The following PLXNA1 variants were observed in gnomAD, a reference collection of about 807,000 sequenced individuals.
PLXNA1 encodes plexin-A1.
In PLXNA1, 77 loss-of-function variants were observed where a neutral mutation model predicts 191.7. The observed-to-expected ratio is 0.40, with a 90% confidence interval of 0.33 to 0.49. The LOEUF is 0.49. Ranked by LOEUF, PLXNA1 falls within the 20% of genes least tolerant of loss-of-function variation. PLXNA1 has a pLI of 0.63. For missense variants in PLXNA1, 2,110 were observed against 2,660.2 expected, an observed-to-expected ratio of 0.79 and a Z score of 4.55; for synonymous variants, 1,137 against 1,156.4, an observed-to-expected ratio of 0.98 and a Z score of 0.34.
Position 126,983,177 on chromosome 3 carries a change from C to A in PLXNA1, c.-184C>A, listed in dbSNP as rs1277687314. Among the ~76,000 whole-genome samples, 7 of 144,114 alleles carry A rather than the reference C, an allele frequency of 4.9e-5. No homozygotes were observed. The South Asian group carries it at 1.3e-3, about 26-fold the overall frequency. 94.5% of individuals were successfully genotyped at this position (144,114 alleles called of 152,430 possible). A position where few individuals can be genotyped will look rare whatever the true frequency, so the allele number is the denominator to read the frequency against. ...AGCCCGGGCGCGGCGGCGGCCTCGG[C>A]CTGGGCGGCCTACGCGGCTTCGGCG... On this transcript the variant is annotated 5_prime_UTR_variant, in exon 1 of 32. Transcript: ENST00000393409.
At position 127,011,952 on chromosome 3, in the gene PLXNA1, C is replaced by T; in HGVS notation, c.2113-6C>T. 2 of 1,611,988 alleles carry T rather than the reference C, an allele frequency of 1.2e-6. No homozygotes were observed. The highest frequency in any genetic ancestry group is 1.7e-6 in the Non-Finnish European group (2 of 1,178,554). On this transcript the variant is annotated splice_region_variant and splice_polypyrimidine_tract_variant and intron_variant, in intron 9 of 31. Coordinates refer to ENST00000393409, the MANE Select transcript of PLXNA1 (RefSeq NM_032242.4). Reference sequence around the variant, plus strand: ...CCGGGCTCAGCCAAACTCTTCTTATCCCCAGGACTGCCCACAGATCCTGCC... The same window carrying T: ...CCGGGCTCAGCCAAACTCTTCTTATTCCCAGGACTGCCCACAGATCCTGCC...
At position 127,014,195 on chromosome 3, in the gene PLXNA1, G is replaced by A; in HGVS notation, c.2424G>A (p.Lys808=). ...CCCTCCCCACAGCGCACCTCTACAA[G>A]TGCCCGGCCCTGCGCGAGAGCTGCG... is the stretch of plus-strand genomic sequence containing the variant. ...NPQNIQAHLY[K]CPALRESCGL... The change falls in exon 12 of 32, where the codon AAG becomes AAA. Residue 808 remains lysine (K), a synonymous_variant. Transcript: ENST00000393409. The A allele has an allele frequency of 6.2e-7, 1 of 1,609,862 alleles. No individual in the cohort carries two copies. Among genetic ancestry groups the A allele is most frequent in the Non-Finnish European group, 8.5e-7 (1 of 1,177,874 alleles).
chr3:126,988,011 A>G (rs1576666762), intron 1 of PLXNA1, among the ~76,000 whole-genome samples: 1 of 152,056 alleles, frequency 6.6e-6, no homozygotes, highest in South Asian at 2.1e-4. Context: ...TGGAGGTGGG[A>G]GTGAGCACTA....
At chr3:126,991,693 G>A in intron 3 of PLXNA1, 127 bp downstream of exon 3, 1 of 1,044,580 alleles carries the variant, frequency 9.6e-7, no homozygotes, top group Non-Finnish European at 1.3e-6. Flanking sequence ...ACAGGGGGCA[G>A]GGGGAATGTT....
At position 127,004,890 on chromosome 3, in the gene PLXNA1, C is replaced by G; in HGVS notation, c.1625C>G (p.Ser542Trp). 1 of 1,591,428 alleles carries G rather than the reference C, an allele frequency of 6.3e-7. No homozygotes were observed. Among genetic ancestry groups the G allele is most frequent in the Non-Finnish European group, 8.6e-7 (1 of 1,166,688 alleles). The change falls in exon 6 of 32, where the codon TCG becomes TGG. Residue 542 changes from serine to tryptophan, a missense_variant. Physicochemically the swap from Ser to Trp is radical, Grantham distance 177. Around this residue, in one of 4 missense-constraint regions of PLXNA1, gnomAD observed 903 missense variants for 1,015.7 expected, o/e 0.89. Transcript: ENST00000393409. ...CGWCVLHSIC[S>W]RRDACERADE... ...CTCAACCCCTCTGCCTGCAGCTGCT[C>G]GCGGCGGGACGCCTGTGAGCGAGCA...
chr3:127,022,749 C>T lies in PLXNA1; in HGVS notation c.4296-3C>T. 1 of 1,613,736 alleles carries T rather than the reference C, an allele frequency of 6.2e-7. No homozygotes were observed. Among genetic ancestry groups the T allele is most frequent in the Non-Finnish European group, 8.5e-7 (1 of 1,179,732 alleles). ...CACTCTGCCCATATTCTGTGCTCCC[C>T]AGGACTGAGTCGGTGGCAGAGAAGA... On this transcript the variant is annotated splice_polypyrimidine_tract_variant and splice_region_variant and intron_variant, in intron 22 of 31. Coordinates refer to ENST00000393409, the MANE Select transcript of PLXNA1 (RefSeq NM_032242.4).
intron 8 of PLXNA1, among the ~76,000 whole-genome samples, chr3:127,006,386 G>C (rs2079069252): frequency 6.6e-6 from 1 of 152,234 alleles, no homozygotes; most frequent in Non-Finnish European, 1.5e-5. Flanking sequence ...AGAGGAGCCA[G>C]CCAGGGCAAG....
chr3:127,025,411 T>C (rs2079172459), intron 23 of PLXNA1, among the ~76,000 whole-genome samples: 1 of 152,254 alleles, frequency 6.6e-6, no homozygotes, highest in South Asian at 2.1e-4. Context: ...CTCATTTCTT[T>C]GTAGTGTGCC....
Position 127,017,859 on chromosome 3 carries a change from G to A in PLXNA1, c.3627G>A (p.Glu1209=). The A allele has an allele frequency of 6.2e-7, 1 of 1,612,772 alleles. No individual in the cohort carries two copies. The highest frequency in any genetic ancestry group is 1.1e-5 in the South Asian group (1 of 91,060). ...LTVSETQLLC[E]APNLTGQHKV... ...TGTCGGAGACGCAACTGCTGTGCGAGGCGCCCAACCTCACTGGGCAGCACA... is the reference window on the plus strand; with the variant it reads ...TGTCGGAGACGCAACTGCTGTGCGAAGCGCCCAACCTCACTGGGCAGCACA... The change falls in exon 19 of 32, where the codon GAG becomes GAA. Residue 1209 remains glutamate, a synonymous_variant. Coordinates refer to ENST00000393409, the MANE Select transcript of PLXNA1 (RefSeq NM_032242.4).
intron 1 of PLXNA1, among the ~76,000 whole-genome samples, chr3:126,983,754 G>T (rs1179319277): frequency 1.3e-5 from 2 of 151,908 alleles, no homozygotes; most frequent in Non-Finnish European, 2.9e-5. Flanking sequence ...CGTCCCGGCC[G>T]CTGGACCTCG....
In PLXNA1 at chr3:127,014,599, C is replaced by T. The variant is rs759152920; in HGVS notation, c.2726C>T (p.Pro909Leu). 3.7e-6 allele frequency: 6 copies of T among 1,613,280 alleles called. No homozygotes were observed. The highest frequency in any genetic ancestry group is 5.1e-6 in the Non-Finnish European group (6 of 1,179,848). The change falls in exon 13 of 32, where the codon CCT (proline) becomes CTT (leucine). Residue 909 changes from proline (P) to leucine (L), a missense_variant. Physicochemically the swap from Pro to Leu is moderately conservative, Grantham distance 98 (BLOSUM62 -3). Coordinates refer to ENST00000393409, the MANE Select transcript of PLXNA1 (RefSeq NM_032242.4). Reference protein sequence around the residue: ...GVRVGKVLCSPVESEYISAEQ... With the variant: ...GVRVGKVLCSLVESEYISAEQ... ...CGCGTGGGCAAGGTGCTGTGCAGCC[C>T]TGTGGAGAGCGAGTACATCAGTGCG...
At chr3:126,994,317 G>T (rs1225820367) in intron 3 of PLXNA1, among the ~76,000 whole-genome samples, 1 of 152,202 alleles carries the variant, frequency 6.6e-6, no homozygotes, top group Non-Finnish European at 1.5e-5. Flanking sequence ...GACCCTGGCT[G>T]TCTGGCTAGC....
Position 126,995,035 on chromosome 3 carries a change from C to T in PLXNA1, c.1377+3469C>T, listed in dbSNP as rs150377936. Reference sequence around the variant, plus strand: ...CCAGGCTTACCACTCCCTGTCTTTCCCAGGCCAGTCTTTTCCGGGCTTTAA... The same window carrying T: ...CCAGGCTTACCACTCCCTGTCTTTCTCAGGCCAGTCTTTTCCGGGCTTTAA... On this transcript the variant is annotated intron_variant, in intron 3 of 31. Coordinates refer to ENST00000393409, the MANE Select transcript of PLXNA1 (RefSeq NM_032242.4). 6.7e-4 allele frequency among the ~76,000 whole-genome samples: 102 copies of T among 152,276 alleles called. 1 individual carries two copies. Among genetic ancestry groups the T allele is most frequent in the African/African-American group, 2.3e-3 (96 of 41,562 alleles).
rs1201883111 is a variant in PLXNA1, at chr3:127,026,952, A to C, written c.4363-988A>C. 3 of 153,002 alleles carry C rather than the reference A, an allele frequency of 2.0e-5. No individual in the cohort carries two copies. In the East Asian group the frequency reaches 5.8e-4, roughly 29 times the overall value. 9.5% of individuals were successfully genotyped at this position (153,002 alleles called of 1,614,324 possible). A position where few individuals can be genotyped will look rare whatever the true frequency, so the allele number is the denominator to read the frequency against. Reference sequence around the variant, plus strand: ...TCAATTCATCCAGCAAGTGTCTGTGATGCCCCATGCACAGGCTCAGCCAGT... The same window carrying C: ...TCAATTCATCCAGCAAGTGTCTGTGCTGCCCCATGCACAGGCTCAGCCAGT... On this transcript the variant is annotated intron_variant, in intron 23 of 31. Transcript: ENST00000393409.
intron 21 of PLXNA1, among the ~76,000 whole-genome samples, chr3:127,021,138 C>T (rs2079150436): frequency 6.6e-6 from 1 of 152,182 alleles, no homozygotes; most frequent in African/African-American, 2.4e-5. Flanking sequence ...GTGGGAAGTC[C>T]CTTTTGAGCT....
At chr3:127,007,314 T>C (rs997101910) in intron 8 of PLXNA1, among the ~76,000 whole-genome samples, 1 of 152,182 alleles carries the variant, frequency 6.6e-6, no homozygotes, top group South Asian at 2.1e-4. Flanking sequence ...ACAGACAAGC[T>C]CCTGCCCCAG....
In PLXNA1 at chr3:126,989,712, C is replaced by T. The variant is rs758942105; in HGVS notation, c.1119C>T (p.Ile373=). The change falls in exon 2 of 32, where the codon ATC becomes ATT. Residue 373 remains isoleucine, a synonymous_variant. Coordinates refer to ENST00000393409, the MANE Select transcript of PLXNA1 (RefSeq NM_032242.4). ...RAIKEKIKER[I]QSCYRGEGKL... ...TCAAGGAGAAGATTAAGGAGCGCAT[C>T]CAGTCCTGCTACCGTGGTGAGGGCA... The T allele has an allele frequency of 6.2e-7, 1 of 1,613,102 alleles. No individual in the cohort carries two copies. The highest frequency in any genetic ancestry group is 1.3e-5 in the African/African-American group (1 of 75,048).
At chr3:127,019,272 C>G (rs1330524891) in intron 20 of PLXNA1, among the ~76,000 whole-genome samples, 1 of 152,206 alleles carries the variant, frequency 6.6e-6, no homozygotes, top group Admixed American at 6.5e-5. Flanking sequence ...TTTGTTTGCA[C>G]AGGACTCAGC....
intron 21 of PLXNA1, among the ~76,000 whole-genome samples, chr3:127,020,976 C>T (rs2079149604): frequency 6.6e-6 from 1 of 152,216 alleles, no homozygotes; most frequent in African/African-American, 2.4e-5. Context: ...CCCTAAAAGG[C>T]CCCCAGCGGC....
Sources: gnomAD v4.1 joint callset for allele counts (sites outside exome capture counted in the v4.1 genomes callset) on GRCh38, gnomAD v4.1.1 for gene constraint, gnomAD v4.1.1 regional missense constraint, MANE v1.5 for transcripts, NCBI Gene and HGNC (gene_info 2026-07-23, HGNC 2026-07-21) for gene names.